JARID2: variants seen among roughly 807,000 people sequenced by gnomAD.
JARID2 encodes the protein jumonji and AT-rich interaction domain containing 2.
In JARID2, 21 loss-of-function variants were observed where a neutral mutation model predicts 125.6. The observed-to-expected ratio is 0.17, with a 90% confidence interval of 0.12 to 0.24. The LOEUF (loss-of-function observed/expected upper bound fraction) is 0.24, where lower values mean the gene tolerates loss of function less well. Among genes scored for constraint, JARID2 ranks in the 10% least tolerant of loss-of-function variants. The pLI, the probability that JARID2 is intolerant of heterozygous loss-of-function variation, is 1.00. For missense variants in JARID2, 1,303 were observed against 1,639.6 expected (o/e 0.79, Z 3.55); for synonymous variants, 736 against 661.6 (o/e 1.11, Z -1.73).
At chr6:15,359,321 A>T (rs1763710054) in intron 1 of JARID2, among the ~76,000 whole-genome samples, 1 of 152,204 alleles carries the variant, frequency 6.6e-6, no homozygotes, top group Admixed American at 6.5e-5. Flanking sequence ...CTGTCCCAAC[A>T]GCTTTTCTGA....
intron 2 of JARID2, chr6:15,401,078 G>A (rs1296314988): frequency 2.3e-6 from 3 of 1,288,806 alleles, no homozygotes; most frequent in Non-Finnish European, 3.0e-6. Flanking sequence ...GGCTGGTATG[G>A]CTTTTGTTGG....
intron 1 of JARID2, among the ~76,000 whole-genome samples, chr6:15,316,080 G>A (rs1762170535): frequency 6.6e-6 from 1 of 151,996 alleles, no homozygotes; most frequent in African/African-American, 2.4e-5. Flanking sequence ...TACCACTGAA[G>A]TGGGGTCTGC....
At chr6:15,483,959 A>G (rs546642488) in intron 5 of JARID2, among the ~76,000 whole-genome samples, 1 of 152,302 alleles carries the variant, frequency 6.6e-6, no homozygotes, top group African/African-American at 2.4e-5. Context: ...AAAGTGGTGT[A>G]TCTCATTATG....
intron 1 of JARID2, among the ~76,000 whole-genome samples, chr6:15,323,850 A>G (rs1019710209): frequency 6.6e-6 from 1 of 151,922 alleles, no homozygotes; most frequent in South Asian, 2.1e-4. Context: ...TGATCGCGCC[A>G]CTGTACTCCA....
chr6:15,481,964 G>A (rs377063232), intron 5 of JARID2, among the ~76,000 whole-genome samples: 18 of 152,292 alleles, frequency 1.2e-4, no homozygotes, highest in African/African-American at 3.9e-4. Context: ...GGTACTCACC[G>A]CTTTGCTGTC....
At chr6:15,448,148 G>C (rs1031243151) in intron 3 of JARID2, among the ~76,000 whole-genome samples, 10 of 152,096 alleles carry the variant, frequency 6.6e-5, no homozygotes, top group African/African-American at 2.4e-4. Flanking sequence ...TTTAGTTCCT[G>C]GTTTCATCTG....
chr6:15,415,977 G>A (rs536700579), intron 3 of JARID2, among the ~76,000 whole-genome samples: 2 of 151,004 alleles, frequency 1.3e-5, no homozygotes, highest in East Asian at 4.0e-4. Context: ...CAGACAGGGC[G>A]GCTGGGCAGA....
chr6:15,411,412 TCTTTTAAATAGC>T (rs1430032483), intron 3 of JARID2, among the ~76,000 whole-genome samples: 2 of 152,252 alleles, frequency 1.3e-5, no homozygotes, highest in African/African-American at 4.8e-5. Context: ...GAGGGTGTCG[TCTTTTAAATAGC>T]CTTTTAAATA....
chr6:15,414,035 G>T (rs1766019282), intron 3 of JARID2, among the ~76,000 whole-genome samples: 1 of 152,074 alleles, frequency 6.6e-6, no homozygotes, highest in Non-Finnish European at 1.5e-5. Context: ...TATACTTGTA[G>T]ATTTAATTAC....
chr6:15,500,382 A>C (rs1770674826), intron 7 of JARID2, among the ~76,000 whole-genome samples: 1 of 152,086 alleles, frequency 6.6e-6, no homozygotes, highest in Non-Finnish European at 1.5e-5. Context: ...TGGATGGGTG[A>C]AGTTGAGTGA....
chr6:15,351,290 A>G (rs903541936), intron 1 of JARID2, among the ~76,000 whole-genome samples: 3 of 152,188 alleles, frequency 2.0e-5, no homozygotes, highest in Non-Finnish European at 2.9e-5. Flanking sequence ...AGATGCTGAA[A>G]GGTGAATATG....
chr6:15,328,219 C>A (rs528125853), intron 1 of JARID2, among the ~76,000 whole-genome samples: 11 of 152,114 alleles, frequency 7.2e-5, no homozygotes, highest in Admixed American at 2.6e-4. Context: ...GATCACCCCC[C>A]ACAAAGTCAC....
At chr6:15,391,048 A>T (rs945793314) in intron 2 of JARID2, among the ~76,000 whole-genome samples, 1 of 152,184 alleles carries the variant, frequency 6.6e-6, no homozygotes, top group Non-Finnish European at 1.5e-5. Flanking sequence ...GGCGATCATT[A>T]TTGAGGTTGT....
intron 1 of JARID2, among the ~76,000 whole-genome samples, chr6:15,277,958 T>C (rs1427300980): frequency 6.6e-6 from 1 of 152,024 alleles, no homozygotes; most frequent in African/African-American, 2.4e-5. Flanking sequence ...ATAAAAAAGG[T>C]GAACTCTGGT....
chr6:15,330,956 C>G (rs1762686582), intron 1 of JARID2, among the ~76,000 whole-genome samples: 1 of 151,544 alleles, frequency 6.6e-6, no homozygotes, highest in African/African-American at 2.4e-5. Flanking sequence ...GTAATTGTTC[C>G]CTAAGATAGT....
At chr6:15,502,354 G>T (rs1269011786) in intron 8 of JARID2, among the ~76,000 whole-genome samples, 1 of 152,246 alleles carries the variant, frequency 6.6e-6, no homozygotes, top group African/African-American at 2.4e-5. Context: ...TGAAGTCTCT[G>T]CTGAGTTTCC....
intron 1 of JARID2, among the ~76,000 whole-genome samples, chr6:15,372,719 T>TA (rs902008626): frequency 9.9e-5 from 15 of 151,974 alleles, no homozygotes; most frequent in South Asian, 6.2e-4. Flanking sequence ...TTTATTTATT[T>TA]TTTTTTTTGA....
Position 15,485,792 on chromosome 6 carries a change from A to G in JARID2, c.671-1515A>G, listed in dbSNP as rs1015687012. On this transcript the variant is annotated intron_variant, in intron 5 of 17. Coordinates refer to ENST00000341776, the MANE Select transcript of JARID2 (RefSeq NM_004973.4). ...AGTATTTGCAATTTATAAGACATTA[A>G]TATAATTTAAAGGACTCTTAAAATT... 2.6e-5 allele frequency among the ~76,000 whole-genome samples: 4 copies of G among 152,242 alleles called. No homozygotes were observed. In the East Asian group the frequency reaches 7.7e-4, roughly 29 times the overall value.
chr6:15,363,763 A>G (rs1581459041), intron 1 of JARID2, among the ~76,000 whole-genome samples: 2 of 152,234 alleles, frequency 1.3e-5, no homozygotes, highest in African/African-American at 4.8e-5. Context: ...ACACGTTATT[A>G]GTGGGAAATG....
Sources: gnomAD v4.1 joint callset for allele counts (sites outside exome capture counted in the v4.1 genomes callset) on GRCh38, gnomAD v4.1.1 for gene constraint, MANE v1.5 for transcripts, NCBI Gene and HGNC (gene_info 2026-07-23, HGNC 2026-07-21) for gene names.